The following AGBL4 variants were observed in gnomAD, a reference collection of about 807,000 sequenced individuals.
AGBL4 encodes AGBL carboxypeptidase 4, also known as cytosolic carboxypeptidase 6.
Under a neutral mutation model 66.4 loss-of-function variants are expected in AGBL4, and 58 were observed. That is an observed-to-expected ratio of 0.87 (90% CI 0.71 to 1.09). The LOEUF (loss-of-function observed/expected upper bound fraction) is 1.09, where lower values mean the gene tolerates loss of function less well. AGBL4 is among the 50% of genes least tolerant of loss of function. The pLI, the probability that AGBL4 is intolerant of heterozygous loss-of-function variation, is 0.00. For synonymous variants in AGBL4, 234 were observed against 222.9 expected (o/e 1.05, Z -0.44); for missense variants, 579 against 631.0 (o/e 0.92, Z 0.88).
At chr1:49,701,225 G>T (rs985499335) in intron 2 of AGBL4, among the ~76,000 whole-genome samples, 1 of 151,840 alleles carries the variant, frequency 6.6e-6, no homozygotes, top group African/African-American at 2.4e-5. Context: ...CTAGGAGGTG[G>T]AGGATGTAGT....
At chr1:48,776,930 G>T (rs1454413885) in intron 6 of AGBL4, 1 of 602,824 alleles carries the variant, frequency 1.7e-6, no homozygotes, top group Non-Finnish European at 2.7e-6. Context: ...CTACGGTGCT[G>T]GGGGGGGCGG....
chr1:49,325,477 C>A lies in AGBL4; in HGVS notation c.283-79613G>T, dbSNP rs7540194. On this transcript the variant is annotated intron_variant, in intron 3 of 13. Transcript: ENST00000371839. ...ATAACTTCTACCCATGTTATAATAC[C>A]CAGAAGCCATTATTACCACTGTTGT... 2.6e-5 allele frequency among the ~76,000 whole-genome samples: 4 copies of A among 151,966 alleles called. No individual in the cohort carries two copies. The South Asian group carries it at 8.3e-4, about 31-fold the overall frequency.
intron 3 of AGBL4, 47 bp downstream of exon 3, chr1:49,697,265 TA>T (rs1647003948): frequency 2.7e-6 from 4 of 1,503,434 alleles, no homozygotes; most frequent in Non-Finnish European, 3.6e-6. Flanking sequence ...GACAAAAGCA[TA>T]TTATTCTTAC....
At chr1:49,012,056 T>C (rs1200982287) in intron 5 of AGBL4, among the ~76,000 whole-genome samples, 1 of 147,924 alleles carries the variant, frequency 6.8e-6, no homozygotes, top group Admixed American at 6.7e-5. Flanking sequence ...AAAAGCTACA[T>C]AAAAAAAAAG....
chr1:49,832,049 G>A (rs1645699609), intron 2 of AGBL4, among the ~76,000 whole-genome samples: 1 of 151,524 alleles, frequency 6.6e-6, no homozygotes, highest in African/African-American at 2.4e-5. Flanking sequence ...ACAATGTGCA[G>A]GTTAGTTACA....
chr1:48,795,655 A>G (rs1236354742), intron 6 of AGBL4, among the ~76,000 whole-genome samples: 1 of 152,080 alleles, frequency 6.6e-6, no homozygotes. Flanking sequence ...ATTTAGTTCT[A>G]TGCAATGTTT....
intron 9 of AGBL4, among the ~76,000 whole-genome samples, chr1:48,616,206 C>T (rs1645315345): frequency 6.6e-6 from 1 of 152,178 alleles, no homozygotes; most frequent in African/African-American, 2.4e-5. Flanking sequence ...AACCTCACTC[C>T]AGACCTACTG....
intron 3 of AGBL4, among the ~76,000 whole-genome samples, chr1:49,361,532 T>C (rs1296960961): frequency 6.6e-6 from 1 of 152,044 alleles, no homozygotes; most frequent in Non-Finnish European, 1.5e-5. Flanking sequence ...CACCATGTTG[T>C]CCAGGGTGGC....
intron 3 of AGBL4, among the ~76,000 whole-genome samples, chr1:49,247,485 A>G (rs777447446): frequency 6.6e-6 from 1 of 152,220 alleles, no homozygotes; most frequent in Non-Finnish European, 1.5e-5. Flanking sequence ...CCTTTTGTCA[A>G]TTCAATTACT....
At chr1:49,128,510 T>G (rs896986354) in intron 4 of AGBL4, among the ~76,000 whole-genome samples, 2 of 152,016 alleles carry the variant, frequency 1.3e-5, no homozygotes, top group Non-Finnish European at 2.9e-5. Flanking sequence ...GATTGGCATA[T>G]AGATCGATGG....
At chr1:49,424,057 C>T (rs1466194294) in intron 3 of AGBL4, among the ~76,000 whole-genome samples, 1 of 152,062 alleles carries the variant, frequency 6.6e-6, no homozygotes, top group African/African-American at 2.4e-5. Flanking sequence ...GAAACACATC[C>T]CCAACACCCT....
intron 3 of AGBL4, among the ~76,000 whole-genome samples, chr1:49,554,780 GT>G (rs1217999854): frequency 6.6e-6 from 1 of 152,186 alleles, no homozygotes; most frequent in African/African-American, 2.4e-5. Context: ...TGTGTCCAGA[GT>G]TTCATCCTTC....
intron 3 of AGBL4, among the ~76,000 whole-genome samples, chr1:49,296,353 T>C (rs1644643140): frequency 6.6e-6 from 1 of 152,206 alleles, no homozygotes; most frequent in Non-Finnish European, 1.5e-5. Flanking sequence ...GTGATAGTTC[T>C]GATAACTCAA....
chr1:49,014,135 A>T (rs1370966243), intron 5 of AGBL4, among the ~76,000 whole-genome samples: 5 of 152,148 alleles, frequency 3.3e-5, no homozygotes, highest in Non-Finnish European at 7.3e-5. Flanking sequence ...CCATGTGCAC[A>T]TCCCAGGACT....
chr1:49,990,887 A>C (rs1659891336), intron 1 of AGBL4, among the ~76,000 whole-genome samples: 1 of 152,214 alleles, frequency 6.6e-6, no homozygotes, highest in African/African-American at 2.4e-5. Flanking sequence ...ACACATATGA[A>C]ATTTCTGTGT....
At chr1:49,611,931 C>T (rs897707024) in intron 3 of AGBL4, among the ~76,000 whole-genome samples, 2 of 152,136 alleles carry the variant, frequency 1.3e-5, no homozygotes, top group African/African-American at 4.8e-5. Flanking sequence ...ATCATTTTAG[C>T]AATTACTTTC....
At position 49,502,457 on chromosome 1, in the gene AGBL4, G is replaced by A. The variant is rs577706479; in HGVS notation, c.282+194856C>T. Among the ~76,000 whole-genome samples, 4 of 152,226 alleles carry A rather than the reference G, an allele frequency of 2.6e-5. No homozygotes were observed. The South Asian group carries it at 8.3e-4, about 32-fold the overall frequency. On this transcript the variant is annotated intron_variant, in intron 3 of 13. Coordinates refer to ENST00000371839, the MANE Select transcript of AGBL4 (RefSeq NM_032785.4). The stretch of plus-strand genomic sequence containing the variant: ...TGTAAAGATATCTGAAAATGTGGAA[G>A]TGATTTTGGAACTCAAAAACAGGCA...
chr1:48,730,442 C>T (rs143579821), intron 6 of AGBL4, among the ~76,000 whole-genome samples: 1 of 152,228 alleles, frequency 6.6e-6, no homozygotes, highest in African/African-American at 2.4e-5. Context: ...AGAAGATTCC[C>T]CCAGCTCGAA....
At chr1:49,548,070 C>A (rs185617889) in intron 3 of AGBL4, among the ~76,000 whole-genome samples, 2 of 152,222 alleles carry the variant, frequency 1.3e-5, no homozygotes, top group Admixed American at 1.3e-4. Context: ...CTATACCTGA[C>A]CTAGGGGTTG....
Sources: gnomAD v4.1 joint callset for allele counts (sites outside exome capture counted in the v4.1 genomes callset) on GRCh38, gnomAD v4.1.1 for gene constraint, MANE v1.5 for transcripts, NCBI Gene and HGNC (gene_info 2026-07-23, HGNC 2026-07-21) for gene names.